Variants in HYLS1 observed in about 807,000 individuals in gnomAD.
The protein encoded by HYLS1 is centriolar and ciliogenesis-associated protein HYLS1.
A neutral mutation model predicts 29.4 loss-of-function variants in HYLS1; 25 were observed. The observed-to-expected ratio is 0.85, with a 90% CI of 0.62 to 1.19. The LOEUF is 1.19. HYLS1 is among the 50% of genes most tolerant of loss of function. The pLI is 0.00. For synonymous variants in HYLS1, 128 were observed against 126.7 expected (o/e 1.01, Z -0.07); for missense variants, 352 against 365.1 (o/e 0.96, Z 0.29).
upstream of HYLS1, among the ~76,000 whole-genome samples, chr11:125,886,460 G>A (rs1029344886): frequency 6.6e-6 from 1 of 152,046 alleles, no homozygotes; most frequent in Non-Finnish European, 1.5e-5. Flanking sequence ...GCAATGCTCA[G>A]GACTCAAGAC....
intron 2 of HYLS1, chr11:125,893,730 C>CTT: frequency 7.2e-6 from 9 of 1,254,806 alleles, no homozygotes; most frequent in South Asian, 5.1e-5. Context: ...TTTTTTTTTC[C>CTT]TTTTCTGTCC....
chr11:125,893,301 T>C (rs953828302), intron 2 of HYLS1, among the ~76,000 whole-genome samples: 1 of 152,256 alleles, frequency 6.6e-6, no homozygotes, highest in African/African-American at 2.4e-5. Context: ...GGTACTGTGC[T>C]TTATTCCAGG....
chr11:125,888,386 G>T (rs1472409332), intron 1 of HYLS1: 2 of 152,302 alleles, frequency 1.3e-5, no homozygotes, highest in Admixed American at 6.5e-5. Flanking sequence ...ACCCCATGCT[G>T]CTGAGAGAGT....
In HYLS1 at chr11:125,896,080, T is replaced by C. The variant is rs148523530; in HGVS notation, c.-25-3264T>C. On this transcript the variant is annotated intron_variant, in intron 2 of 2. Transcript: ENST00000425380. ...TGGTATCCCCAGCCCATATAGGCTA[T>C]TCTTAGGGCTACGTGTCTTCGGCCA... is the stretch of plus-strand genomic sequence containing the variant. 529 of 1,614,128 alleles carry C rather than the reference T, an allele frequency of 3.3e-4. 2 individuals are homozygous for C. Among genetic ancestry groups the C allele is most frequent in the South Asian group, 1.1e-3 (101 of 91,088 alleles).
chr11:125,896,059 A>G, intron 2 of HYLS1: 1 of 1,614,244 alleles, frequency 6.2e-7, no homozygotes, highest in Non-Finnish European at 8.5e-7. Context: ...AAGCCCTGGT[A>G]TCCCCAGCCC....
At chr11:125,888,729 AC>A (rs1944354012) in intron 1 of HYLS1, among the ~76,000 whole-genome samples, 2 of 149,014 alleles carry the variant, frequency 1.3e-5, no homozygotes, top group South Asian at 4.2e-4. Flanking sequence ...AGATCGCGCC[AC>A]TGCACTCCAG....
intron 2 of HYLS1, chr11:125,893,698 C>A: frequency 9.4e-7 from 1 of 1,062,242 alleles, no homozygotes; most frequent in Non-Finnish European, 1.3e-6. Flanking sequence ...ATCTGAATTC[C>A]TAGTACTTGC....
rs200193394 is a variant in HYLS1, at chr11:125,894,073, T to C, written c.-26+2601T>C. The stretch of plus-strand genomic sequence containing the variant: ...CAGAGGGCTTAACATTTCCCCATTC[T>C]GTCATTCCATCCATCTTTGGTCCTA... On this transcript the variant is annotated intron_variant, in intron 2 of 2. Coordinates refer to ENST00000425380, the MANE Select transcript of HYLS1 (RefSeq NM_001134793.2). 2.5e-6 allele frequency: 4 copies of C among 1,614,204 alleles called. No individual in the cohort carries two copies. The African/African-American group carries it at 4.0e-5, about 16-fold the overall frequency.
chr11:125,899,666 C>T lies in HYLS1; in HGVS notation c.298C>T (p.Arg100Cys), dbSNP rs374420210. 5.5e-5 allele frequency: 89 copies of T among 1,613,988 alleles called. No individual in the cohort carries two copies. The highest frequency in any genetic ancestry group is 3.3e-5 in the Admixed American group (2 of 59,998). The stretch of plus-strand genomic sequence containing the variant: ...GCCAGTGATGAAGAGAAAGGTGCTG[C>T]GCAGAAAGCCAGATGGGGAAGTATT... Reference protein sequence around the residue: ...RKPVMKRKVLRRKPDGEVLVT... With the variant: ...RKPVMKRKVLCRKPDGEVLVT... The change falls in exon 3 of 3, where the codon CGC becomes TGC. Residue 100 changes from arginine (R) to cysteine (C), a missense_variant. Transcript: ENST00000425380.
rs768901391 is a variant in HYLS1, at chr11:125,895,327, A to G, written c.-26+3855A>G. The G allele has an allele frequency of 1.9e-6, 3 of 1,614,164 alleles. No homozygotes were observed. The highest frequency in any genetic ancestry group is 2.5e-6 in the Non-Finnish European group (3 of 1,180,024). On this transcript the variant is annotated intron_variant, in intron 2 of 2. Coordinates refer to ENST00000425380, the MANE Select transcript of HYLS1 (RefSeq NM_001134793.2). Reference sequence around the variant, plus strand: ...ATCAGAAAGAGGATAGCCATCATACATCGGACTTGATGATAAAGGAATGCC... The same window carrying G: ...ATCAGAAAGAGGATAGCCATCATACGTCGGACTTGATGATAAAGGAATGCC...
At position 125,900,129 on chromosome 11, in the gene HYLS1, A is replaced by G. The variant is rs757976767; in HGVS notation, c.761A>G (p.Lys254Arg). 4 of 1,614,176 alleles carry G rather than the reference A, an allele frequency of 2.5e-6. No individual in the cohort carries two copies. Among genetic ancestry groups the G allele is most frequent in the South Asian group, 2.2e-5 (2 of 91,078 alleles). The stretch of plus-strand genomic sequence containing the variant: ...CTTTGTCGAGCAGAACCCCAATCCA[A>G]ACCTCAGCATATATATGTCCCAAAC... Reference protein sequence around the residue: ...QMLCRAEPQSKPQHIYVPNNY... With the variant: ...QMLCRAEPQSRPQHIYVPNNY... Residue 254 changes from lysine to arginine, a missense_variant, in exon 3 of 3, where the codon AAA becomes AGA. Transcript: ENST00000425380.
upstream of HYLS1, among the ~76,000 whole-genome samples, chr11:125,886,158 G>A (rs183664626): frequency 4.6e-5 from 7 of 152,112 alleles, no homozygotes; most frequent in South Asian, 2.1e-4. Flanking sequence ...GGTTGGGACC[G>A]CTGCACTAAA....
At chr11:125,889,118 AAG>A (rs1944364085) in intron 1 of HYLS1, among the ~76,000 whole-genome samples, 2 of 152,224 alleles carry the variant, frequency 1.3e-5, no homozygotes, top group Non-Finnish European at 2.9e-5. Context: ...GTTAATTTAA[AAG>A]AACGTCAGTT....
upstream of HYLS1, chr11:125,883,810 G>GC (rs1944263295): frequency 3.9e-5 from 6 of 152,164 alleles, no homozygotes; most frequent in Admixed American, 3.9e-4. Context: ...GGAGGCGGAG[G>GC]CTGCAGTGAG....
chr11:125,893,684 G>C, intron 2 of HYLS1: 3 of 788,950 alleles, frequency 3.8e-6, no homozygotes, highest in Non-Finnish European at 5.6e-6. Flanking sequence ...TTTAAGAGCT[G>C]ATCATCTGAA....
chr11:125,896,278 A>C lies in HYLS1; in HGVS notation c.-25-3066A>C, dbSNP rs622756. 0.87 allele frequency: 1,388,038 copies of C among 1,599,238 alleles called. 604,916 individuals are homozygous for C. The highest frequency in any genetic ancestry group is 0.91 in the Admixed American group (54,479 of 59,780). On this transcript the variant is annotated intron_variant, in intron 2 of 2. Coordinates refer to ENST00000425380, the MANE Select transcript of HYLS1 (RefSeq NM_001134793.2). Reference sequence around the variant, plus strand: ...GTCTGGTTTCTGTCTGTGTCATTATAAGCCATGATATGACAACCCCAGGAA... The same window carrying C: ...GTCTGGTTTCTGTCTGTGTCATTATCAGCCATGATATGACAACCCCAGGAA...
intron 1 of HYLS1, 152 bp downstream of exon 1, chr11:125,887,917 T>A (rs1467819020): frequency 6.7e-6 from 1 of 150,066 alleles, no homozygotes; most frequent in Non-Finnish European, 1.5e-5. Context: ...TGGCGAGCCG[T>A]CCCCAACGTC....
chr11:125,897,840 C>T (rs1338138461), intron 2 of HYLS1, among the ~76,000 whole-genome samples: 1 of 152,130 alleles, frequency 6.6e-6, no homozygotes, highest in Non-Finnish European at 1.5e-5. Context: ...GCCCACCTCT[C>T]CCATGTCTAG....
intron 2 of HYLS1, among the ~76,000 whole-genome samples, chr11:125,898,026 C>T (rs1944640390): frequency 6.6e-6 from 1 of 152,028 alleles, no homozygotes; most frequent in Non-Finnish European, 1.5e-5. Flanking sequence ...TCGGCCTGTG[C>T]TGATATAGCT....
Sources: allele counts gnomAD v4.1 joint callset (sites outside exome capture counted in the v4.1 genomes callset), GRCh38; gene constraint gnomAD v4.1.1; transcripts MANE v1.5; gene names NCBI Gene and HGNC (gene_info 2026-07-23, HGNC 2026-07-21).